OSBPL6: variants seen among roughly 807,000 people sequenced by gnomAD.
OSBPL6 encodes oxysterol-binding protein-related protein 6.
OSBPL6 carries 49 observed loss-of-function variants against 125.8 expected under a neutral mutation model. The ratio of observed to expected loss-of-function variants is 0.39; its 90% CI spans 0.31 to 0.49. The LOEUF (loss-of-function observed/expected upper bound fraction) is 0.49, where lower values mean the gene tolerates loss of function less well. Among genes scored for constraint, OSBPL6 ranks in the 20% least tolerant of loss-of-function variants. The pLI is 0.88. For synonymous variants in OSBPL6, 394 were observed against 391.8 expected (o/e 1.01, Z -0.07); for missense variants, 986 against 1,135.4 (o/e 0.87, Z 1.89).
chr2:178,198,782 C>T (rs1014309174), intron 1 of OSBPL6, among the ~76,000 whole-genome samples: 5 of 152,294 alleles, frequency 3.3e-5, no homozygotes, highest in African/African-American at 1.2e-4. Flanking sequence ...GTCAAATATT[C>T]TGTGAACTTC....
In OSBPL6 at chr2:178,214,288, G is replaced by C. The variant is rs150499866; in HGVS notation, c.-351+19614G>C. Among the ~76,000 whole-genome samples the C allele has an allele frequency of 1.9e-3, 294 of 152,230 alleles. 1 individual carries two copies. Among genetic ancestry groups the C allele is most frequent in the African/African-American group, 6.4e-3 (264 of 41,534 alleles). Reference sequence around the variant, plus strand: ...CTCCAAAATAAGGCAATCCTGTAAAGGCCTTATATAGATTTTGCTAACTGT... The same window carrying C: ...CTCCAAAATAAGGCAATCCTGTAAACGCCTTATATAGATTTTGCTAACTGT... On this transcript the variant is annotated intron_variant, in intron 1 of 24. Coordinates refer to ENST00000190611, the MANE Select transcript of OSBPL6 (RefSeq NM_032523.4).
At chr2:178,257,565 T>G (rs1435959883) in intron 1 of OSBPL6, among the ~76,000 whole-genome samples, 1 of 152,244 alleles carries the variant, frequency 6.6e-6, no homozygotes, top group African/African-American at 2.4e-5. Context: ...TACTATGAAT[T>G]TGCTATATTT....
chr2:178,287,911 G>A (rs1395096122), intron 2 of OSBPL6, among the ~76,000 whole-genome samples: 2 of 151,628 alleles, frequency 1.3e-5, no homozygotes, highest in Non-Finnish European at 2.9e-5. Context: ...GGAAATGGGG[G>A]AAAAATTGTA....
Position 178,385,486 on chromosome 2 carries a change from G to A in OSBPL6, c.2042G>A (p.Cys681Tyr). 1 of 1,611,576 alleles carries A rather than the reference G, an allele frequency of 6.2e-7. No individual in the cohort carries two copies. Among genetic ancestry groups the A allele is most frequent in the Non-Finnish European group, 8.5e-7 (1 of 1,178,276 alleles). ...QVSHHPPISACHCESKNFVFW... is the reference protein window; with the variant it reads ...QVSHHPPISAYHCESKNFVFW... ...AGCCATCATCCACCCATTTCTGCCT[G>A]TCACTGTGAATCAAAGAATTTTGTG... The change falls in exon 19 of 25, where the codon TGT (cysteine) becomes TAT (tyrosine). Residue 681 changes from cysteine to tyrosine, a missense_variant. Around this residue, in one of 3 missense-constraint regions of OSBPL6, gnomAD observed 843 missense variants for 997.3 expected, o/e 0.85. Transcript: ENST00000190611.
chr2:178,238,380 C>T (rs929147742), intron 1 of OSBPL6, among the ~76,000 whole-genome samples: 4 of 152,166 alleles, frequency 2.6e-5, no homozygotes, highest in Admixed American at 6.5e-5. Context: ...GTCATGGTAT[C>T]GCAGTGCTTG....
At chr2:178,258,282 G>T (rs116407125) in intron 1 of OSBPL6, among the ~76,000 whole-genome samples, 1 of 151,864 alleles carries the variant, frequency 6.6e-6, no homozygotes, top group East Asian at 1.9e-4. Context: ...TCTGTGTTTA[G>T]TAGAGAAGGA....
intron 1 of OSBPL6, among the ~76,000 whole-genome samples, chr2:178,282,619 G>C (rs1297839829): frequency 6.6e-6 from 1 of 152,100 alleles, no homozygotes; most frequent in Non-Finnish European, 1.5e-5. Flanking sequence ...TCATAGGAAG[G>C]AGGAAGGAAG....
chr2:178,374,611 A>C (rs1362410695), intron 15 of OSBPL6, among the ~76,000 whole-genome samples: 1 of 152,232 alleles, frequency 6.6e-6, no homozygotes, highest in Non-Finnish European at 1.5e-5. Context: ...CAGGTTGCAG[A>C]AATTAGCTCT....
intron 1 of OSBPL6, among the ~76,000 whole-genome samples, chr2:178,253,505 A>T (rs1389567351): frequency 5.9e-5 from 9 of 152,220 alleles, no homozygotes; most frequent in Non-Finnish European, 1.3e-4. Flanking sequence ...CTTGTTAATA[A>T]TTCAGTGATT....
intron 1 of OSBPL6, among the ~76,000 whole-genome samples, chr2:178,245,068 A>G (rs763723205): frequency 1.3e-5 from 2 of 152,210 alleles, no homozygotes; most frequent in Admixed American, 6.5e-5. Context: ...ATTATACTGC[A>G]GCAACTTCTT....
At chr2:178,267,353 CAAAAAAA>C (rs57444695) in intron 1 of OSBPL6, among the ~76,000 whole-genome samples, 4 of 81,754 alleles carry the variant, frequency 4.9e-5, no homozygotes, top group Non-Finnish European at 9.3e-5. Flanking sequence ...AACTCCATCT[CAAAAAAA>C]AAAAAAAAAA....
chr2:178,343,154 G>A (rs990746556), intron 11 of OSBPL6, among the ~76,000 whole-genome samples: 1 of 152,130 alleles, frequency 6.6e-6, no homozygotes, highest in South Asian at 2.1e-4. Flanking sequence ...AAAAACTAAA[G>A]TGGTCCTACT....
intron 1 of OSBPL6, among the ~76,000 whole-genome samples, chr2:178,199,084 G>A (rs1181004341): frequency 6.6e-6 from 1 of 152,098 alleles, no homozygotes; most frequent in African/African-American, 2.4e-5. Flanking sequence ...TGGATGTTGT[G>A]GATTCTTCAC....
chr2:178,388,964 T>A, intron 20 of OSBPL6, 45 bp from the exon 21 acceptor site: 1 of 1,599,492 alleles, frequency 6.3e-7, no homozygotes, highest in Non-Finnish European at 8.5e-7. Context: ...GTTATATGTG[T>A]TTGTGACCTT....
chr2:178,401,585 A>G lies in OSBPL6; in HGVS notation c.*6026A>G, dbSNP rs186134056. 5 of 152,376 alleles carry G rather than the reference A, an allele frequency of 3.3e-5. No individual in the cohort carries two copies. The East Asian group carries it at 9.6e-4, about 29-fold the overall frequency. 9.4% of individuals were successfully genotyped at this position (152,376 alleles called of 1,614,324 possible). ...TAACATGAAATGCTAATGAAGAAAC[A>G]AGGCAAGAATGAATACAAGAGAAAT... is the stretch of plus-strand genomic sequence containing the variant. On this transcript the variant is annotated 3_prime_UTR_variant, in exon 25 of 25. Coordinates refer to ENST00000190611, the MANE Select transcript of OSBPL6 (RefSeq NM_032523.4).
intron 1 of OSBPL6, among the ~76,000 whole-genome samples, chr2:178,215,907 G>C (rs1192255943): frequency 6.6e-6 from 1 of 152,156 alleles, no homozygotes; most frequent in Non-Finnish European, 1.5e-5. Flanking sequence ...CATCTACACT[G>C]GGTCTGGTGC....
At chr2:178,331,530 T>G in intron 5 of OSBPL6, 22 bp from the exon 6 acceptor site, 1 of 1,613,656 alleles carries the variant, frequency 6.2e-7, no homozygotes, top group South Asian at 1.1e-5. Flanking sequence ...AGACAGTAAC[T>G]GGGGGTGTTT....
At chr2:178,336,169 G>A in intron 8 of OSBPL6, 132 bp from the exon 9 acceptor site, 1 of 1,170,236 alleles carries the variant, frequency 8.5e-7, no homozygotes, top group East Asian at 2.4e-5. Flanking sequence ...ATTTAGCCAA[G>A]AGGCTTCTTC....
At chr2:178,317,858 G>A (rs1293512184) in intron 3 of OSBPL6, among the ~76,000 whole-genome samples, 1 of 151,970 alleles carries the variant, frequency 6.6e-6, no homozygotes, top group African/African-American at 2.4e-5. Flanking sequence ...TTATTTTCAG[G>A]TCACAGTTTT....
Sources: gnomAD v4.1 joint callset for allele counts (sites outside exome capture counted in the v4.1 genomes callset) on GRCh38, gnomAD v4.1.1 for gene constraint, gnomAD v4.1.1 regional missense constraint, MANE v1.5 for transcripts, NCBI Gene and HGNC (gene_info 2026-07-23, HGNC 2026-07-21) for gene names.